CYB5RL: variants seen among roughly 807,000 people sequenced by gnomAD.
The protein encoded by CYB5RL is cytochrome b5 reductase like, also known as NADH-cytochrome b5 reductase-like.
CYB5RL carries 38 observed loss-of-function variants against 37.5 expected under a neutral mutation model. That is an observed-to-expected ratio of 1.01 (90% CI 0.78 to 1.33). The LOEUF (loss-of-function observed/expected upper bound fraction) is 1.33. Among genes scored for constraint, CYB5RL ranks in the 40% most tolerant of loss-of-function variants. CYB5RL has a pLI of 0.00. For synonymous variants in CYB5RL, 141 were observed against 151.9 expected (o/e 0.93, Z 0.53); for missense variants, 388 against 394.4 (o/e 0.98, Z 0.14).
At chr1:54,191,264 T>A (rs1487523062) in intron 3 of CYB5RL, among the ~76,000 whole-genome samples, 1 of 152,124 alleles carries the variant, frequency 6.6e-6, no homozygotes, top group Non-Finnish European at 1.5e-5. Context: ...GCCTCCTACT[T>A]CTGAGTCTTT....
At chr1:54,192,795 G>A (rs1007815563) in intron 3 of CYB5RL, among the ~76,000 whole-genome samples, 12 of 150,296 alleles carry the variant, frequency 8.0e-5, no homozygotes, top group South Asian at 2.1e-4. Flanking sequence ...TTGCTGTGTC[G>A]CCCAGGCTGA....
At chr1:54,198,950 A>G (rs2100493255) in intron 1 of CYB5RL, among the ~76,000 whole-genome samples, 1 of 152,222 alleles carries the variant, frequency 6.6e-6, no homozygotes, top group East Asian at 1.9e-4. Context: ...CCACGTTTTA[A>G]CAGTCCCACT....
intron 4 of CYB5RL, among the ~76,000 whole-genome samples, chr1:54,189,973 T>C (rs1280951971): frequency 6.6e-6 from 1 of 152,220 alleles, no homozygotes; most frequent in Non-Finnish European, 1.5e-5. Context: ...CCTGTGCGCC[T>C]TTCTCTTTCC....
intron 7 of CYB5RL, among the ~76,000 whole-genome samples, chr1:54,178,552 G>T (rs1339838769): frequency 6.6e-6 from 1 of 152,174 alleles, no homozygotes; most frequent in Non-Finnish European, 1.5e-5. Context: ...GAGGGAGGAG[G>T]GGTCAGCAGG....
chr1:54,190,984 G>C, intron 3 of CYB5RL, 88 bp from the exon 4 acceptor site: 1 of 1,493,796 alleles, frequency 6.7e-7, no homozygotes, highest in Non-Finnish European at 8.9e-7. Flanking sequence ...TCCCCAAGGA[G>C]AGGCTGTCTT....
intron 7 of CYB5RL, among the ~76,000 whole-genome samples, chr1:54,176,464 T>C (rs72908046): frequency 0.013 from 1,983 of 152,264 alleles, 48 homozygotes; most frequent in African/African-American, 0.045. Context: ...CCAGGGAGGT[T>C]GAGGCTTCAG....
intron 7 of CYB5RL, 38 bp downstream of exon 7, chr1:54,179,111 G>A (rs1343852142): frequency 6.3e-7 from 1 of 1,589,550 alleles, no homozygotes; most frequent in Admixed American, 1.8e-5. Flanking sequence ...GGACAGCAGA[G>A]TCTCAATCAA....
chr1:54,196,039 A>G (rs1644004895), intron 2 of CYB5RL, among the ~76,000 whole-genome samples: 1 of 152,152 alleles, frequency 6.6e-6, no homozygotes, highest in Non-Finnish European at 1.5e-5. Flanking sequence ...TTCCTTTTGT[A>G]TTCTATCACC....
intron 1 of CYB5RL, among the ~76,000 whole-genome samples, chr1:54,199,378 G>C (rs1345705418): frequency 1.3e-5 from 2 of 152,346 alleles, no homozygotes; most frequent in South Asian, 4.1e-4. Context: ...CAGATGGTAC[G>C]GTAGTGTGAA....
intron 4 of CYB5RL, 35 bp downstream of exon 4, chr1:54,190,713 T>C (rs1277491246): frequency 1.9e-6 from 3 of 1,551,400 alleles, no homozygotes; most frequent in Non-Finnish European, 2.6e-6. Flanking sequence ...AAAGCAGGGC[T>C]GTGAAGCTTT....
rs1365972645 is a variant in CYB5RL at position 54,170,964 on chromosome 1, C to G, written c.*3655G>C. On this transcript the variant is annotated 3_prime_UTR_variant, in exon 8 of 8. Coordinates refer to ENST00000534324, the MANE Select transcript of CYB5RL (RefSeq NM_001031672.4). Reference sequence around the variant, plus strand: ...TCCTGAACATTAGTTGTTTATCGCTCAGGTATTCGACATCCAGGAAGTGCT... The same window carrying G: ...TCCTGAACATTAGTTGTTTATCGCTGAGGTATTCGACATCCAGGAAGTGCT... 2 of 356,238 alleles carry G rather than the reference C, an allele frequency of 5.6e-6. No individual in the cohort carries two copies. The highest frequency in any genetic ancestry group is 1.1e-5 in the Non-Finnish European group (2 of 178,882). The allele number at this position is 356,238 out of a possible 1,614,324, so 22.1% of individuals were successfully genotyped here. A position where few individuals can be genotyped will look rare whatever the true frequency, so the allele number is the denominator to read the frequency against.
At chr1:54,183,962 C>A (rs1419525055) in intron 6 of CYB5RL, 199 bp downstream of exon 6, 6 of 316,454 alleles carry the variant, frequency 1.9e-5, no homozygotes, top group African/African-American at 4.4e-5. Context: ...GCAACAAGAG[C>A]GAAACTCCGT....
chr1:54,174,272 G>T lies in CYB5RL; in HGVS notation c.*347C>A, dbSNP rs1398761715. ...AGATCCTCTAATCGGAGGGGCCAGG[G>T]AAGCTCCTCCCGACTCTTCCCCTGC... On this transcript the variant is annotated 3_prime_UTR_variant, in exon 8 of 8. Transcript: ENST00000534324. 13 of 330,136 alleles carry T rather than the reference G, an allele frequency of 3.9e-5. No individual in the cohort carries two copies. Among genetic ancestry groups the T allele is most frequent in the Non-Finnish European group, 6.5e-5 (11 of 170,492 alleles). 20.5% of individuals were successfully genotyped at this position (330,136 alleles called of 1,614,324 possible). A position where few individuals can be genotyped will look rare whatever the true frequency, so the allele number is the denominator to read the frequency against.
At position 54,170,818 on chromosome 1, in the gene CYB5RL, G is replaced by A. The variant is rs1441041918; in HGVS notation, c.*3801C>T. On this transcript the variant is annotated 3_prime_UTR_variant, in exon 8 of 8. Coordinates refer to ENST00000534324, the MANE Select transcript of CYB5RL (RefSeq NM_001031672.4). ...TATCCCTACATGACCTTGGAAAATCGCTTGAAGTCTCAGAAGCTTAGTTTC... is the reference window on the plus strand; with the variant it reads ...TATCCCTACATGACCTTGGAAAATCACTTGAAGTCTCAGAAGCTTAGTTTC... 1.6e-5 allele frequency: 5 copies of A among 308,580 alleles called. No homozygotes were observed. The highest frequency in any genetic ancestry group is 3.0e-5 in the South Asian group (1 of 32,980). The allele number at this position is 308,580 out of a possible 1,614,324, so 19.1% of individuals were successfully genotyped here.
chr1:54,184,007 G>A lies in CYB5RL; in HGVS notation c.540+154C>T, dbSNP rs1427532746. On this transcript the variant is annotated intron_variant, in intron 6 of 7. Coordinates refer to ENST00000534324, the MANE Select transcript of CYB5RL (RefSeq NM_001031672.4). ...AATAAATAAATAAATAAATAAATAA[G>A]TGTCTATTCCATCTTCTCCCATGTC... 2.4e-5 allele frequency: 11 copies of A among 462,834 alleles called. No individual in the cohort carries two copies. The East Asian group carries it at 3.2e-4, about 13-fold the overall frequency. 28.7% of individuals were successfully genotyped at this position (462,834 alleles called of 1,614,324 possible). A position where few individuals can be genotyped will look rare whatever the true frequency, so the allele number is the denominator to read the frequency against.
Position 54,171,569 on chromosome 1 carries a change from A to G in CYB5RL, c.*3050T>C. The G allele has an allele frequency of 2.6e-6, 1 of 385,122 alleles. No homozygotes were observed. The allele number at this position is 385,122 out of a possible 1,614,324, so 23.9% of individuals were successfully genotyped here. ...AGAATCTGTCCTCAGGCCCTCTAGTAGCTGTTGCCTTCCTGAAGCTTGGGA... is the reference window on the plus strand; with the variant it reads ...AGAATCTGTCCTCAGGCCCTCTAGTGGCTGTTGCCTTCCTGAAGCTTGGGA... On this transcript the variant is annotated 3_prime_UTR_variant, in exon 8 of 8. Coordinates refer to ENST00000534324, the MANE Select transcript of CYB5RL (RefSeq NM_001031672.4).
chr1:54,198,717 G>A (rs536050266), intron 1 of CYB5RL, among the ~76,000 whole-genome samples: 71 of 145,328 alleles, frequency 4.9e-4, no homozygotes, highest in African/African-American at 1.7e-3. Flanking sequence ...CTGCAGACTC[G>A]ATCTCCGAGG....
intron 3 of CYB5RL, among the ~76,000 whole-genome samples, chr1:54,192,869 C>T (rs1643969216): frequency 6.6e-6 from 1 of 152,112 alleles, no homozygotes; most frequent in Admixed American, 6.5e-5. Context: ...ATTCTCATGC[C>T]TCAGCCTCCC....
At chr1:54,187,891 C>T (rs1643916949) in intron 4 of CYB5RL, 152 bp from the exon 5 acceptor site, 1 of 618,834 alleles carries the variant, frequency 1.6e-6, no homozygotes, top group Admixed American at 2.8e-5. Flanking sequence ...GCCTGGACAA[C>T]ATAGTGAAAC....
Sources: gnomAD v4.1 joint callset for allele counts (sites outside exome capture counted in the v4.1 genomes callset) on GRCh38, gnomAD v4.1.1 for gene constraint, MANE v1.5 for transcripts, NCBI Gene and HGNC (gene_info 2026-07-23, HGNC 2026-07-21) for gene names.